The following RPS6KA2 variants were observed in gnomAD, a reference collection of about 807,000 sequenced individuals.
RPS6KA2 encodes ribosomal protein S6 kinase A2.
Under a neutral mutation model 91.8 loss-of-function variants are expected in RPS6KA2, and 42 were observed. The observed-to-expected ratio is 0.46, with a 90% CI of 0.36 to 0.59. RPS6KA2 has a LOEUF of 0.59. Ranked by LOEUF, RPS6KA2 falls within the 20% of genes least tolerant of loss-of-function variation. The probability of loss-of-function intolerance (pLI) is 0.00; values close to 1 mark genes in which losing one functional copy is unlikely to be tolerated. For synonymous variants in RPS6KA2, 414 were observed against 393.6 expected (o/e 1.05, Z -0.61); for missense variants, 798 against 978.5 (o/e 0.82, Z 2.46).
At chr6:166,512,094 C>T (rs540081513) in intron 3 of RPS6KA2, among the ~76,000 whole-genome samples, 3 of 152,088 alleles carry the variant, frequency 2.0e-5, no homozygotes, top group African/African-American at 4.8e-5. Flanking sequence ...TAAATACACA[C>T]ACACATACAC....
rs577422682 is a variant in RPS6KA2 at position 166,595,155 on chromosome 6, G to A, written c.99+31766C>T. On this transcript the variant is annotated intron_variant, in intron 1 of 20. Coordinates refer to ENST00000265678, the MANE Select transcript of RPS6KA2 (RefSeq NM_021135.6). ...CAACCTCTACCTCCCAAGTTCAAGC[G>A]ATTTTCATGTTTCAGCCTCCTGAGT... 5.7e-4 allele frequency among the ~76,000 whole-genome samples: 86 copies of A among 152,062 alleles called. 1 individual carries two copies. Among genetic ancestry groups the A allele is most frequent in the Non-Finnish European group, 7.4e-5 (5 of 67,978 alleles).
intron 1 of RPS6KA2, among the ~76,000 whole-genome samples, chr6:166,545,402 G>T (rs1189619000): frequency 1.3e-5 from 2 of 152,166 alleles, no homozygotes; most frequent in Non-Finnish European, 2.9e-5. Context: ...GGCTGCTCGG[G>T]CTCCTTTCCT....
chr6:166,417,579 A>G (rs1386651366), intron 19 of RPS6KA2, among the ~76,000 whole-genome samples: 1 of 151,354 alleles, frequency 6.6e-6, no homozygotes, highest in Non-Finnish European at 1.5e-5. Flanking sequence ...CGTCCCCACA[A>G]TCACGTGAGC....
chr6:166,774,436 C>T (rs1778560533), intron 2 of RPS6KA2, among the ~76,000 whole-genome samples: 1 of 152,186 alleles, frequency 6.6e-6, no homozygotes, highest in African/African-American at 2.4e-5. Flanking sequence ...CGTCTTTACC[C>T]AGCGAGCGTC....
intron 2 of RPS6KA2, among the ~76,000 whole-genome samples, chr6:166,705,209 C>A (rs931276800): frequency 1.3e-5 from 2 of 152,238 alleles, no homozygotes; most frequent in Non-Finnish European, 2.9e-5. Context: ...TGGTATCCGT[C>A]CAATTGTGCA....
intron 1 of RPS6KA2, among the ~76,000 whole-genome samples, chr6:166,594,524 G>C (rs1052857231): frequency 6.6e-6 from 1 of 151,862 alleles, no homozygotes; most frequent in Non-Finnish European, 1.5e-5. Context: ...GTGCAGTGGC[G>C]CAATCTCGGC....
In RPS6KA2 at chr6:166,445,620, C is replaced by T. The variant is rs75154693; in HGVS notation, c.1332+3104G>A. Among the ~76,000 whole-genome samples the T allele has an allele frequency of 0.015, 2,262 of 152,272 alleles. 52 individuals carry two copies. Among genetic ancestry groups the T allele is most frequent in the African/African-American group, 0.051 (2,130 of 41,548 alleles). On this transcript the variant is annotated intron_variant, in intron 14 of 20. Transcript: ENST00000265678. This position sits in a 1 kb window ranked among gnomAD's most constrained non-coding sequence, Gnocchi z 4.5. ...TATGACTGCCCTGGGCAGAATCCAT[C>T]GATTCTGGTCACTCTCCTCATTGCT...
At position 166,660,423 on chromosome 6, in the gene RPS6KA2, A is replaced by T. The variant is rs541277430; in HGVS notation, c.124-121639T>A. 2.0e-4 allele frequency among the ~76,000 whole-genome samples: 30 copies of T among 146,632 alleles called. 1 individual carries two copies. In the South Asian group the frequency reaches 3.4e-3, roughly 17 times the overall value. ...GTGTGTGTGTGTGTGTGTGTGTGTG[A>T]GAGAGAGAGAAGAAGGGAGGGAGGA... is the stretch of plus-strand genomic sequence containing the variant. On this transcript the variant is annotated intron_variant, in intron 2 of 21. Transcript: ENST00000503859.
chr6:166,478,963 G>T (rs999294522), intron 10 of RPS6KA2, among the ~76,000 whole-genome samples: 29 of 152,222 alleles, frequency 1.9e-4, no homozygotes, highest in African/African-American at 7.0e-4. Flanking sequence ...CCAGGAAGGG[G>T]TGCGTGGCGT....
chr6:166,436,326 A>C (rs1237771339), intron 14 of RPS6KA2, among the ~76,000 whole-genome samples: 2 of 152,056 alleles, frequency 1.3e-5, no homozygotes, highest in Non-Finnish European at 2.9e-5. Context: ...AAAAAAAAAA[A>C]AAAAAAAACC....
intron 1 of RPS6KA2, among the ~76,000 whole-genome samples, chr6:166,545,095 C>G (rs146650027): frequency 9.3e-4 from 142 of 152,306 alleles, no homozygotes; most frequent in Non-Finnish European, 1.5e-3. Context: ...CAGATAGAAG[C>G]TCTGAAATTT....
At chr6:166,594,972 T>A (rs904257453) in intron 1 of RPS6KA2, among the ~76,000 whole-genome samples, 2 of 152,204 alleles carry the variant, frequency 1.3e-5, no homozygotes, top group Admixed American at 6.5e-5. Context: ...GTCTTGAAAT[T>A]AACTGGTTCT....
chr6:166,522,555 A>G (rs535796551), intron 3 of RPS6KA2, among the ~76,000 whole-genome samples: 27 of 152,332 alleles, frequency 1.8e-4, no homozygotes, highest in African/African-American at 6.5e-4. Flanking sequence ...TTCGCCTGAG[A>G]CTTACCAGCA....
chr6:166,499,782 GAGAACAGACTAATACAGGGACTTTC>G (rs1257866959), intron 7 of RPS6KA2, among the ~76,000 whole-genome samples: 13 of 152,228 alleles, frequency 8.5e-5, no homozygotes, highest in African/African-American at 2.6e-4. Context: ...TGGGGACTTT[GAGAACAGACTAATACAGGGACTTTC>G]AGAACAGACT....
intron 2 of RPS6KA2, among the ~76,000 whole-genome samples, chr6:166,835,857 C>T (rs1780304130): frequency 6.6e-6 from 1 of 152,232 alleles, no homozygotes; most frequent in Non-Finnish European, 1.5e-5. Context: ...TGCTGGCTGT[C>T]AGCTTTTTGT....
At chr6:166,699,245 GC>G (rs924265531) in intron 2 of RPS6KA2, among the ~76,000 whole-genome samples, 18 of 152,300 alleles carry the variant, frequency 1.2e-4, no homozygotes, top group African/African-American at 4.3e-4. Flanking sequence ...GGTCTCAGGG[GC>G]AAAGAGAGAG....
At chr6:166,457,326 T>C (rs139407560) in intron 12 of RPS6KA2, among the ~76,000 whole-genome samples, 19 of 152,336 alleles carry the variant, frequency 1.2e-4, no homozygotes, top group African/African-American at 4.3e-4. Context: ...TCCTGCCCCA[T>C]CTTTTCAAAC....
chr6:166,707,757 T>C (rs1369394830), intron 2 of RPS6KA2, among the ~76,000 whole-genome samples: 1 of 152,164 alleles, frequency 6.6e-6, no homozygotes, highest in Non-Finnish European at 1.5e-5. Context: ...TCTCTCTTTT[T>C]TTTCAGGGTC....
intron 12 of RPS6KA2, among the ~76,000 whole-genome samples, chr6:166,458,697 A>G (rs1441062322): frequency 6.6e-6 from 1 of 152,180 alleles, no homozygotes; most frequent in Non-Finnish European, 1.5e-5. Flanking sequence ...AGCTGTCTGC[A>G]AGTCAAGGCG....
Sources: allele counts gnomAD v4.1 joint callset (sites outside exome capture counted in the v4.1 genomes callset), GRCh38; gene constraint gnomAD v4.1.1; non-coding constraint Gnocchi (gnomAD v3.1); transcripts MANE v1.5; gene names NCBI Gene and HGNC (gene_info 2026-07-23, HGNC 2026-07-21).